Variants in SLAMF7 observed in about 807,000 individuals in gnomAD.
SLAMF7 encodes 19A24 protein.
SLAMF7 carries 26 observed loss-of-function variants against 34.1 expected under a neutral mutation model. The ratio of observed to expected loss-of-function variants is 0.76; its 90% CI spans 0.56 to 1.06. The LOEUF (loss-of-function observed/expected upper bound fraction) is 1.06. Ranked by LOEUF, SLAMF7 falls within the 50% of genes least tolerant of loss-of-function variation. The pLI is 0.00. For synonymous variants in SLAMF7, 171 were observed against 156.4 expected (o/e 1.09, Z -0.70); for missense variants, 399 against 402.5 (o/e 0.99, Z 0.07).
At chr1:160,751,241 G>A (rs1664547025) in intron 4 of SLAMF7, 104 bp from the exon 5 acceptor site, 14 of 790,592 alleles carry the variant, frequency 1.8e-5, no homozygotes, top group Non-Finnish European at 2.6e-5. Context: ...AGGAAACTCG[G>A]CTGGTTGGTC....
intron 6 of SLAMF7, among the ~76,000 whole-genome samples, chr1:160,752,617 C>A (rs78937709): frequency 6.6e-6 from 1 of 152,064 alleles, no homozygotes. Context: ...CCTGAGACAC[C>A]AGGAAACTGC....
At chr1:160,746,189 G>T (rs374740907) in intron 1 of SLAMF7, among the ~76,000 whole-genome samples, 4 of 152,160 alleles carry the variant, frequency 2.6e-5, no homozygotes, top group African/African-American at 9.7e-5. Flanking sequence ...AATCAGAAGA[G>T]AAATGAATAT....
At chr1:160,752,342 T>C (rs1375246553) in intron 6 of SLAMF7, 94 bp downstream of exon 6, 1 of 946,982 alleles carries the variant, frequency 1.1e-6, no homozygotes, top group Non-Finnish European at 1.7e-6. Context: ...AGGTATCTCA[T>C]ACTCTCTAGA....
At chr1:160,747,797 T>A (rs1429752118) in intron 1 of SLAMF7, among the ~76,000 whole-genome samples, 1 of 152,216 alleles carries the variant, frequency 6.6e-6, no homozygotes, top group East Asian at 1.9e-4. Flanking sequence ...AGAGTCTGTC[T>A]CTCAAGTTTA....
intron 4 of SLAMF7, 83 bp downstream of exon 4, chr1:160,750,506 G>T: frequency 6.6e-7 from 1 of 1,507,834 alleles, no homozygotes; most frequent in South Asian, 1.3e-5. Context: ...AGAGCTGTGT[G>T]CCAGACTTGG....
chr1:160,750,929 C>A, intron 4 of SLAMF7: 1 of 239,904 alleles, frequency 4.2e-6, no homozygotes, highest in Admixed American at 5.2e-5. Context: ...CTGTCTCTCT[C>A]CAGTTGCACC....
intron 3 of SLAMF7, 38 bp from the exon 4 acceptor site, chr1:160,750,265 CT>C: frequency 5.0e-6 from 8 of 1,606,760 alleles, no homozygotes; most frequent in Non-Finnish European, 6.8e-6. Flanking sequence ...CCTGAGCTGA[CT>C]TTTCTCCCTT....
chr1:160,744,799 C>T (rs892376529), intron 1 of SLAMF7, among the ~76,000 whole-genome samples: 1 of 152,180 alleles, frequency 6.6e-6, no homozygotes, highest in South Asian at 2.1e-4. Context: ...ATAAGATTCA[C>T]CCCTTTCATC....
At position 160,739,364 on chromosome 1, in the gene SLAMF7, C is replaced by G. The variant is rs370657629; in HGVS notation, c.55+8C>G. ...TCCTTTGGCAGCTCACAGGTGAGTC[C>G]GGCCGGATTCTCTTCCACTCTCCTG... On this transcript the variant is annotated splice_region_variant and intron_variant, in intron 1 of 6. Transcript: ENST00000368043. The G allele has an allele frequency of 6.2e-7, 1 of 1,611,146 alleles. No homozygotes were observed. Among genetic ancestry groups the G allele is most frequent in the Non-Finnish European group, 8.5e-7 (1 of 1,178,276 alleles).
intron 1 of SLAMF7, among the ~76,000 whole-genome samples, chr1:160,747,885 C>T (rs955191238): frequency 2.4e-5 from 3 of 127,332 alleles, no homozygotes; most frequent in African/African-American, 8.4e-5. Flanking sequence ...GAAGTTTCTT[C>T]AGCAGACATT....
In SLAMF7 at chr1:160,751,427, C is replaced by A. The variant is rs149365956; in HGVS notation, c.852C>A (p.Tyr284Ter). Reference protein sequence around the residue: ...ICPHSGENTEYDTIPHTNRTI... With the variant: ...ICPHSGENTE ...CCCATTCTGGAGAGAACACAGAGTA[C>A]GACACAATCCCTCACACTAATGTGA... The change falls in exon 5 of 7, where the codon TAC (tyrosine) becomes TAA (stop). Residue 284 changes from tyrosine (Y) to a stop codon, truncating the protein, a stop_gained. Transcript: ENST00000368043. LOFTEE classifies it high-confidence loss of function. 6.2e-7 allele frequency: 1 copy of A among 1,613,210 alleles called. No individual in the cohort carries two copies. The highest frequency in any genetic ancestry group is 8.5e-7 in the Non-Finnish European group (1 of 1,179,350).
At chr1:160,746,436 A>G (rs2101666148) in intron 1 of SLAMF7, among the ~76,000 whole-genome samples, 1 of 152,324 alleles carries the variant, frequency 6.6e-6, no homozygotes, top group African/African-American at 2.4e-5. Context: ...TGTGCTTTTC[A>G]TGACTGAATT....
At chr1:160,750,571 G>A in intron 4 of SLAMF7, 148 bp downstream of exon 4, 3 of 921,748 alleles carry the variant, frequency 3.3e-6, no homozygotes, top group Admixed American at 2.5e-5. Flanking sequence ...CCCTCAAGAA[G>A]CATACAGTCA....
At chr1:160,750,462 G>A in intron 4 of SLAMF7, 39 bp downstream of exon 4, 2 of 1,602,396 alleles carry the variant, frequency 1.2e-6, no homozygotes, top group East Asian at 2.2e-5. Flanking sequence ...CCACATTCAT[G>A]TTTTTCTCCT....
chr1:160,739,379 C>G (rs1348697731), intron 1 of SLAMF7, 23 bp downstream of exon 1: 2 of 1,605,848 alleles, frequency 1.2e-6, no homozygotes, highest in African/African-American at 2.7e-5. Context: ...GGATTCTCTT[C>G]CACTCTCCTG....
intron 1 of SLAMF7, 76 bp from the exon 2 acceptor site, chr1:160,748,118 C>T: frequency 5.4e-6 from 8 of 1,482,286 alleles, no homozygotes; most frequent in Non-Finnish European, 6.4e-6. Flanking sequence ...CAGATCTCTC[C>T]AGGACCCAAA....
chr1:160,750,110 T>C lies in SLAMF7; in HGVS notation c.649+17T>C. 1 of 1,611,026 alleles carries C rather than the reference T, an allele frequency of 6.2e-7. No homozygotes were observed. Among genetic ancestry groups the C allele is most frequent in the Non-Finnish European group, 8.5e-7 (1 of 1,178,308 alleles). ...TCTGTGAAGGTGACTGCCTCTCCCC[T>C]CTCCACAGGAGACTCTGCCCAGGTC... On this transcript the variant is annotated intron_variant, in intron 3 of 6. Coordinates refer to ENST00000368043, the MANE Select transcript of SLAMF7 (RefSeq NM_021181.5).
At chr1:160,750,254 T>C (rs376519686) in intron 3 of SLAMF7, 50 bp from the exon 4 acceptor site, 34 of 1,602,836 alleles carry the variant, frequency 2.1e-5, no homozygotes, top group Non-Finnish European at 2.9e-5. Flanking sequence ...TGGGTCGTTT[T>C]CCTGAGCTGA....
chr1:160,744,626 T>G (rs951664402), intron 1 of SLAMF7, among the ~76,000 whole-genome samples: 1 of 152,208 alleles, frequency 6.6e-6, no homozygotes, highest in Non-Finnish European at 1.5e-5. Context: ...AAAGAGTAGT[T>G]GCATGCTAGC....
Sources: gnomAD v4.1 joint callset for allele counts (sites outside exome capture counted in the v4.1 genomes callset) on GRCh38, gnomAD v4.1.1 for gene constraint, MANE v1.5 for transcripts, NCBI Gene and HGNC (gene_info 2026-07-23, HGNC 2026-07-21) for gene names.